Variants in TMEM120B observed in about 807,000 individuals in gnomAD.
The protein encoded by TMEM120B is transmembrane protein 120B.
Under a neutral mutation model 55.5 loss-of-function variants are expected in TMEM120B, and 31 were observed. The observed-to-expected ratio is 0.56, with a 90% CI of 0.42 to 0.75. The LOEUF (loss-of-function observed/expected upper bound fraction) is 0.75, where lower values mean the gene tolerates loss of function less well. Ranked by LOEUF, TMEM120B falls within the 30% of genes least tolerant of loss-of-function variation. The pLI is 0.00. For synonymous variants in TMEM120B, 203 were observed against 176.3 expected, an observed-to-expected ratio of 1.15 and a Z score of -1.20; for missense variants, 399 against 425.5, an observed-to-expected ratio of 0.94 and a Z score of 0.55.
rs139038920 is a variant in TMEM120B at position 121,747,909 on chromosome 12, T to C, written c.189-417T>C. 2.3e-3 allele frequency among the ~76,000 whole-genome samples: 4 copies of C among 1,772 alleles called. 1 individual carries two copies. The highest frequency in any genetic ancestry group is 6.9e-3 in the Admixed American group (2 of 290). 1.2% of individuals were successfully genotyped at this position (1,772 alleles called of 152,430 possible). ...GAAGGTGGGAGGCTGGGGTAGAAGGTGGGAGGCACTGGGGTAGAAGGTGGG... is the reference window on the plus strand; with the variant it reads ...GAAGGTGGGAGGCTGGGGTAGAAGGCGGGAGGCACTGGGGTAGAAGGTGGG... On this transcript the variant is annotated intron_variant, in intron 2 of 11. Transcript: ENST00000449592.
At chr12:121,759,113 G>A (rs1873583592) in intron 5 of TMEM120B, 2 of 793,848 alleles carry the variant, frequency 2.5e-6, no homozygotes, top group African/African-American at 2.1e-5. Flanking sequence ...AGAACATAGA[G>A]TGTCTACTGT....
intron 1 of TMEM120B, among the ~76,000 whole-genome samples, chr12:121,723,017 T>A (rs1179866060): frequency 1.3e-5 from 2 of 151,632 alleles, no homozygotes; most frequent in African/African-American, 2.4e-5. Context: ...CCCGGCTAAT[T>A]TTGTATTTGT....
chr12:121,740,033 C>A (rs955587435), intron 1 of TMEM120B, among the ~76,000 whole-genome samples: 1 of 152,018 alleles, frequency 6.6e-6, no homozygotes, highest in South Asian at 2.1e-4. Context: ...CCCATCTTGG[C>A]CTCCCAAAGT....
At chr12:121,732,371 G>A (rs2137055833) in intron 1 of TMEM120B, among the ~76,000 whole-genome samples, 1 of 152,246 alleles carries the variant, frequency 6.6e-6, no homozygotes, top group East Asian at 1.9e-4. Flanking sequence ...GCTGGGGGTG[G>A]ACTAGGTGTG....
At chr12:121,750,508 A>G (rs1592937925) in intron 4 of TMEM120B, 69 bp downstream of exon 4, 31 of 1,196,726 alleles carry the variant, frequency 2.6e-5, no homozygotes, top group Non-Finnish European at 3.5e-5. Flanking sequence ...CCACACCCCA[A>G]ACCCCACACT....
intron 1 of TMEM120B, among the ~76,000 whole-genome samples, chr12:121,739,168 C>A (rs1314954439): frequency 1.3e-5 from 2 of 152,056 alleles, no homozygotes; most frequent in Non-Finnish European, 2.9e-5. Flanking sequence ...GCCTGGGCGA[C>A]AAGAGTCAAA....
intron 6 of TMEM120B, 82 bp from the exon 7 acceptor site, chr12:121,770,825 C>T: frequency 7.7e-7 from 1 of 1,303,608 alleles, no homozygotes. Context: ...GTAACCCCTG[C>T]TGCATAGGTG....
chr12:121,718,344 CAAA>C lies in TMEM120B; in HGVS notation c.69+5387_69+5389del, dbSNP rs893578162. Among the ~76,000 whole-genome samples, 15 of 150,540 alleles carry C rather than the reference CAAA, an allele frequency of 1.0e-4. No homozygotes were observed. The East Asian group carries it at 1.6e-3, about 16-fold the overall frequency. On this transcript the variant is annotated intron_variant, in intron 1 of 11. Transcript: ENST00000449592. Reference sequence around the variant, plus strand: ...ATAAAACAAACAAACAAACAAAAAACAAAAAAAAACCTTAGCTGGGCATTGGTC... The same window carrying C: ...ATAAAACAAACAAACAAACAAAAAACAAAAAACCTTAGCTGGGCATTGGTC...
At position 121,728,475 on chromosome 12, in the gene TMEM120B, C is replaced by T. The variant is rs1233783272; in HGVS notation, c.70-15154C>T. On this transcript the variant is annotated intron_variant, in intron 1 of 11. Transcript: ENST00000449592. Reference sequence around the variant, plus strand: ...CTGTACTCCAGCCTGGGCGACAGAGCGAGACTCCGTCTCAAAAAAAAAAAA... The same window carrying T: ...CTGTACTCCAGCCTGGGCGACAGAGTGAGACTCCGTCTCAAAAAAAAAAAA... Among the ~76,000 whole-genome samples, 6 of 148,864 alleles carry T rather than the reference C, an allele frequency of 4.0e-5. No individual in the cohort carries two copies. The South Asian group carries it at 8.5e-4, about 21-fold the overall frequency.
At chr12:121,765,768 T>G (rs888508249) in intron 6 of TMEM120B, among the ~76,000 whole-genome samples, 2 of 152,176 alleles carry the variant, frequency 1.3e-5, no homozygotes, top group African/African-American at 4.8e-5. Context: ...GTTGGAGATT[T>G]AGCCTCCGCC....
chr12:121,742,151 C>T (rs898819603), intron 1 of TMEM120B, among the ~76,000 whole-genome samples: 2 of 151,838 alleles, frequency 1.3e-5, no homozygotes, highest in South Asian at 2.1e-4. Context: ...TACAGGCATA[C>T]GCCACCATGC....
Position 121,781,286 on chromosome 12 carries a change from T to A in TMEM120B, c.*5564T>A. 1 of 1,098,094 alleles carries A rather than the reference T, an allele frequency of 9.1e-7. No individual in the cohort carries two copies. The highest frequency in any genetic ancestry group is 1.3e-6 in the Non-Finnish European group (1 of 744,454). 68.0% of individuals were successfully genotyped at this position (1,098,094 alleles called of 1,614,324 possible). ...AAGGGGCCAGGCAAGTGACCCTGCC[T>A]TAGGGCCTCAATTTCCTCATCTATA... On this transcript the variant is annotated 3_prime_UTR_variant, in exon 12 of 12. Coordinates refer to ENST00000449592, the MANE Select transcript of TMEM120B (RefSeq NM_001080825.2).
At position 121,743,707 on chromosome 12, in the gene TMEM120B, CAGA is replaced by C; in HGVS notation, c.154_156del (p.Lys52del). 1 of 1,613,510 alleles carries C rather than the reference CAGA, an allele frequency of 6.2e-7. No individual in the cohort carries two copies. Among genetic ancestry groups the C allele is most frequent in the Non-Finnish European group, 8.5e-7 (1 of 1,179,924 alleles). ...GCTGTGTAGCAGTTCCATCAGTAAG[CAGA>C]AGAAGCACCTCAAGGACTTGAAGCT... On this transcript the variant is annotated inframe_deletion, in exon 2 of 12. Transcript: ENST00000449592.
At chr12:121,773,707 G>A (rs1042013523) in intron 9 of TMEM120B, among the ~76,000 whole-genome samples, 194 bp downstream of exon 9, 14 of 152,186 alleles carry the variant, frequency 9.2e-5, no homozygotes, top group African/African-American at 3.1e-4. Context: ...ACCAGGCCCC[G>A]AGGGCAGGGC....
At position 121,779,456 on chromosome 12, in the gene TMEM120B, C is replaced by T. The variant is rs373046368; in HGVS notation, c.*3734C>T. On this transcript the variant is annotated 3_prime_UTR_variant, in exon 12 of 12. Coordinates refer to ENST00000449592, the MANE Select transcript of TMEM120B (RefSeq NM_001080825.2). ...CCTGGTGCAATCGGCACCTGGGCCC[C>T]CGGGCCCTGTCAGTGCTGTCGTGAG... The T allele has an allele frequency of 2.1e-5, 33 of 1,598,118 alleles. No homozygotes were observed. The Admixed American group carries it at 2.2e-4, about 11-fold the overall frequency.
At chr12:121,746,826 C>T (rs542275228) in intron 2 of TMEM120B, among the ~76,000 whole-genome samples, 1 of 152,036 alleles carries the variant, frequency 6.6e-6, no homozygotes, top group Admixed American at 6.6e-5. Flanking sequence ...GGCGTGGTGG[C>T]AGGCACCTGT....
chr12:121,755,672 C>T (rs1873456503), intron 5 of TMEM120B, among the ~76,000 whole-genome samples: 1 of 151,850 alleles, frequency 6.6e-6, no homozygotes, highest in South Asian at 2.1e-4. Flanking sequence ...GGAGGTGATC[C>T]CAGGAGACAC....
intron 8 of TMEM120B, among the ~76,000 whole-genome samples, chr12:121,772,529 G>A (rs1388257020): frequency 6.6e-6 from 1 of 150,722 alleles, no homozygotes; most frequent in African/African-American, 2.4e-5. Flanking sequence ...TCCACCTCCC[G>A]GTTCAAGCGA....
chr12:121,720,408 C>T (rs893516096), intron 1 of TMEM120B, among the ~76,000 whole-genome samples: 1 of 152,028 alleles, frequency 6.6e-6, no homozygotes, highest in Admixed American at 6.6e-5. Flanking sequence ...TTTCTTAGAG[C>T]TATATAAAAG....
Sources: allele counts gnomAD v4.1 joint callset (sites outside exome capture counted in the v4.1 genomes callset), GRCh38; gene constraint gnomAD v4.1.1; transcripts MANE v1.5; gene names NCBI Gene and HGNC (gene_info 2026-07-23, HGNC 2026-07-21).